DROSHA: variants seen among roughly 807,000 people sequenced by gnomAD.
DROSHA encodes ribonuclease 3.
In DROSHA, 56 loss-of-function variants were observed where a neutral mutation model predicts 181.9. The observed-to-expected ratio is 0.31, with a 90% CI of 0.25 to 0.38. DROSHA has a LOEUF of 0.38. Among genes scored for constraint, DROSHA ranks in the 10% least tolerant of loss-of-function variants. DROSHA has a pLI of 1.00. For missense variants in DROSHA, 1,218 were observed against 1,743.5 expected (o/e 0.70, Z 5.37); for synonymous variants, 524 against 591.2 (o/e 0.89, Z 1.65).
In DROSHA at chr5:31,514,945, C is replaced by T. The variant is rs1561282466; in HGVS notation, c.1290+43G>A. On this transcript the variant is annotated intron_variant, in intron 8 of 35. Coordinates refer to ENST00000344624, the MANE Select transcript of DROSHA (RefSeq NM_001382508.1). The surrounding 1 kb of genome is among the most constrained non-coding windows in gnomAD (Gnocchi z 4.4). The stretch of plus-strand genomic sequence containing the variant: ...CCCCAAAGGCCAATAGTGACAACGC[C>T]GAGAAGCCCTAGTCTACAGCTTGTC... 3 of 1,581,458 alleles carry T rather than the reference C, an allele frequency of 1.9e-6. No individual in the cohort carries two copies. The highest frequency in any genetic ancestry group is 1.7e-6 in the Non-Finnish European group (2 of 1,157,114).
chr5:31,426,260 C>G (rs1195012615), intron 27 of DROSHA, among the ~76,000 whole-genome samples: 2 of 151,752 alleles, frequency 1.3e-5, no homozygotes, highest in Non-Finnish European at 2.9e-5. Flanking sequence ...CTGAAAAGAT[C>G]TAGACTGGAA....
At chr5:31,451,270 A>G (rs2150015472) in intron 21 of DROSHA, among the ~76,000 whole-genome samples, 2 of 152,324 alleles carry the variant, frequency 1.3e-5, no homozygotes, top group Middle Eastern at 3.4e-3. Context: ...AAGGAGAGCC[A>G]TAAAGGAGGA....
rs1258321274 is a variant in DROSHA, at chr5:31,508,613, A to C, written c.1587+8T>G. ...CAACCTTCACAGCAAGGGCATAAAA[A>C]CACGCACCTGGCCTGGATCGTTGTA... On this transcript the variant is annotated splice_region_variant and intron_variant, in intron 10 of 35. Transcript: ENST00000344624. 1.9e-6 allele frequency: 3 copies of C among 1,613,794 alleles called. No individual in the cohort carries two copies. The African/African-American group carries it at 4.0e-5, about 22-fold the overall frequency.
chr5:31,494,878 GTTA>G (rs1752788737), intron 12 of DROSHA, among the ~76,000 whole-genome samples: 1 of 151,990 alleles, frequency 6.6e-6, no homozygotes, highest in African/African-American at 2.4e-5. Context: ...GTTTCACCGT[GTTA>G]GCCAGGACGG....
At chr5:31,506,744 T>C (rs537692547) in intron 10 of DROSHA, among the ~76,000 whole-genome samples, 2 of 151,438 alleles carry the variant, frequency 1.3e-5, no homozygotes, top group Admixed American at 1.3e-4. Flanking sequence ...TTAATGCCAG[T>C]CATGACTTGT....
chr5:31,522,086 T>C (rs980775901), intron 5 of DROSHA, among the ~76,000 whole-genome samples: 3 of 152,134 alleles, frequency 2.0e-5, no homozygotes, highest in African/African-American at 7.2e-5. Flanking sequence ...ACATTGAAAA[T>C]AGAACTTACA....
intron 16 of DROSHA, among the ~76,000 whole-genome samples, chr5:31,482,171 G>A (rs1751104285): frequency 6.6e-6 from 1 of 152,184 alleles, no homozygotes. Context: ...AAGGTTACAC[G>A]AAGAAAAGCT....
chr5:31,490,739 T>C (rs939655199), intron 13 of DROSHA, among the ~76,000 whole-genome samples: 1 of 152,218 alleles, frequency 6.6e-6, no homozygotes, highest in Non-Finnish European at 1.5e-5. Context: ...TAAAGCAATT[T>C]AACAATTCTT....
At chr5:31,412,568 C>T (rs871528) in intron 30 of DROSHA, among the ~76,000 whole-genome samples, 34 of 152,276 alleles carry the variant, frequency 2.2e-4, no homozygotes, top group African/African-American at 7.7e-4. Flanking sequence ...ATTTGTCTGA[C>T]AATGATTCAT....
chr5:31,477,821 T>C (rs986331712), intron 16 of DROSHA, among the ~76,000 whole-genome samples: 6 of 152,034 alleles, frequency 3.9e-5, no homozygotes, highest in Admixed American at 2.6e-4. Flanking sequence ...AGGTAGAGAG[T>C]GGGATAGGAA....
chr5:31,466,810 T>C (rs536313672), intron 18 of DROSHA, among the ~76,000 whole-genome samples: 1 of 152,202 alleles, frequency 6.6e-6, no homozygotes, highest in South Asian at 2.1e-4. Flanking sequence ...GATAAAAGAC[T>C]AATGGTGTAT....
intron 16 of DROSHA, among the ~76,000 whole-genome samples, chr5:31,477,884 T>C (rs1468238430): frequency 6.6e-6 from 1 of 152,240 alleles, no homozygotes; most frequent in Admixed American, 6.5e-5. Context: ...GATTGCTCTA[T>C]GATTTGGTTT....
In DROSHA at chr5:31,515,558, G is replaced by A. The variant is rs375571066; in HGVS notation, c.954C>T (p.Tyr318=). The change falls in exon 7 of 36, where the codon TAC becomes TAT. Residue 318 remains tyrosine (Y), a synonymous_variant. Transcript: ENST00000344624. The part of the protein sequence containing the change: ...KKEYKRSGRS[Y]GLSVVPEPAG... ...CAGGTTCAGGAACAACCGATAAACC[G>A]TAACTCCTAAAAGAAAAAGATATTT... 89 of 1,551,032 alleles carry A rather than the reference G, an allele frequency of 5.7e-5. No individual in the cohort carries two copies. Among genetic ancestry groups the A allele is most frequent in the East Asian group, 7.3e-5 (3 of 40,918 alleles).
At position 31,515,222 on chromosome 5, in the gene DROSHA, TCAAAAGAGGG is replaced by T; in HGVS notation, c.1059-13_1059-4del. On this transcript the variant is annotated splice_region_variant and splice_polypyrimidine_tract_variant and intron_variant, in intron 7 of 35. Transcript: ENST00000344624. ...TCTTCTCCCTACTTGGGGAGCGACT[TCAAAAGAGGG>T]CAAAGGAGGTTAATTATTAAAAATA... 1 of 1,606,904 alleles carries T rather than the reference TCAAAAGAGGG, an allele frequency of 6.2e-7. No individual in the cohort carries two copies. Among genetic ancestry groups the T allele is most frequent in the Non-Finnish European group, 8.5e-7 (1 of 1,178,280 alleles).
At chr5:31,469,299 G>T (rs745330201) in intron 17 of DROSHA, among the ~76,000 whole-genome samples, 4 of 152,098 alleles carry the variant, frequency 2.6e-5, no homozygotes, top group Non-Finnish European at 5.9e-5. Context: ...GGAGGTTGTA[G>T]TGAGCTGAGA....
At chr5:31,459,285 T>C (rs1463821126) in intron 20 of DROSHA, among the ~76,000 whole-genome samples, 2 of 151,958 alleles carry the variant, frequency 1.3e-5, no homozygotes, top group Admixed American at 6.6e-5. Flanking sequence ...GTTCCAGCTA[T>C]AGGAGGCTGA....
At chr5:31,457,544 T>C (rs887462507) in intron 20 of DROSHA, among the ~76,000 whole-genome samples, 1 of 152,122 alleles carries the variant, frequency 6.6e-6, no homozygotes, top group Non-Finnish European at 1.5e-5. Flanking sequence ...GTAAATCTGA[T>C]TGCAGAGTCA....
intron 6 of DROSHA, among the ~76,000 whole-genome samples, chr5:31,518,867 CCT>C (rs1458655689): frequency 1.3e-5 from 2 of 152,230 alleles, no homozygotes; most frequent in Admixed American, 6.5e-5. Context: ...CAAAAGACAT[CCT>C]CACCCATCCT....
At chr5:31,441,940 C>A (rs981353583) in intron 23 of DROSHA, among the ~76,000 whole-genome samples, 5 of 152,068 alleles carry the variant, frequency 3.3e-5, no homozygotes, top group African/African-American at 1.2e-4. Context: ...ATTTGGATGT[C>A]TAATGCATTT....
Sources: allele counts gnomAD v4.1 joint callset (sites outside exome capture counted in the v4.1 genomes callset), GRCh38; gene constraint gnomAD v4.1.1; non-coding constraint Gnocchi (gnomAD v3.1); transcripts MANE v1.5; gene names NCBI Gene and HGNC (gene_info 2026-07-23, HGNC 2026-07-21).